Variants in SLC4A5 observed in about 807,000 individuals in gnomAD.
The protein encoded by SLC4A5 is electrogenic sodium bicarbonate cotransporter 4.
A neutral mutation model predicts 120.4 loss-of-function variants in SLC4A5; 96 were observed. That is an observed-to-expected ratio of 0.80 (90% CI 0.68 to 0.94). The LOEUF (loss-of-function observed/expected upper bound fraction) is 0.94, where lower values mean the gene tolerates loss of function less well. Ranked by LOEUF, SLC4A5 falls within the 40% of genes least tolerant of loss-of-function variation. SLC4A5 has a pLI of 0.00. For synonymous variants in SLC4A5, 550 were observed against 571.1 expected (o/e 0.96, Z 0.53); for missense variants, 1,259 against 1,459.5 (o/e 0.86, Z 2.24).
At chr2:74,322,549 T>A (rs946116954) in intron 5 of SLC4A5, among the ~76,000 whole-genome samples, 2 of 152,166 alleles carry the variant, frequency 1.3e-5, no homozygotes, top group African/African-American at 4.8e-5. Flanking sequence ...GTATTTTGGA[T>A]AGATGATAGA....
chr2:74,227,917 G>A (rs2103893929), intron 25 of SLC4A5, 39 bp from the exon 26 acceptor site: 1 of 1,534,080 alleles, frequency 6.5e-7, no homozygotes. Context: ...CCTCTGCCTG[G>A]GGCGGCCCTT....
chr2:74,257,728 C>T (rs750356286), intron 12 of SLC4A5, among the ~76,000 whole-genome samples: 114 of 152,064 alleles, frequency 7.5e-4, no homozygotes, highest in Middle Eastern at 3.2e-3. Flanking sequence ...CAGGCATGTG[C>T]CACCACGCCC....
intron 8 of SLC4A5, among the ~76,000 whole-genome samples, chr2:74,274,495 T>G (rs1016753510): frequency 6.6e-6 from 1 of 152,230 alleles, no homozygotes; most frequent in Non-Finnish European, 1.5e-5. Flanking sequence ...ATTTGAAAGA[T>G]TATAAAGTAT....
rs1670521504 is a variant in SLC4A5, at chr2:74,243,769, CT to C, written c.2060-1718del. ...CTCTGTAGGGTTTATCTGAAAGCCA[CT>C]TGAGATGAATATGAAAGAAATATAA... On this transcript the variant is annotated intron_variant, in intron 19 of 30. Coordinates refer to ENST00000394019, the Ensembl canonical transcript of SLC4A5. Among the ~76,000 whole-genome samples, 4 of 152,150 alleles carry C rather than the reference CT, an allele frequency of 2.6e-5. 1 individual carries two copies.
chr2:74,281,556 A>G (rs1671814934), intron 8 of SLC4A5, among the ~76,000 whole-genome samples: 1 of 152,218 alleles, frequency 6.6e-6, no homozygotes, highest in African/African-American at 2.4e-5. Flanking sequence ...AGAGTTAATA[A>G]AAATCTATCT....
intron 8 of SLC4A5, among the ~76,000 whole-genome samples, chr2:74,268,141 T>G (rs1421957261): frequency 6.6e-6 from 1 of 152,204 alleles, no homozygotes; most frequent in East Asian, 1.9e-4. Flanking sequence ...GTACAGCAAT[T>G]AGAGCAGTGC....
exon 27 of SLC4A5, chr2:74,227,085 G>T (rs767076081): frequency 3.7e-6 from 6 of 1,614,054 alleles, no homozygotes; most frequent in African/African-American, 1.3e-5. Context: ...GCATGGTCCG[G>T]CTGGTGCTTG....
chr2:74,329,619 G>GGTGAGGTGTAGATGGAGGTGGT (rs1271982718), intron 4 of SLC4A5, among the ~76,000 whole-genome samples: 1 of 151,270 alleles, frequency 6.6e-6, no homozygotes, highest in Non-Finnish European at 1.5e-5. Context: ...AAACAAACAT[G>GGTGAGGTGTAGATGGAGGTGGT]GTGAGGTGTA....
intron 12 of SLC4A5, among the ~76,000 whole-genome samples, chr2:74,257,800 A>T (rs2104016242): frequency 6.6e-6 from 1 of 151,902 alleles, no homozygotes; most frequent in Admixed American, 6.6e-5. Flanking sequence ...CTGGTCTCAA[A>T]CTCCTGGCCT....
chr2:74,337,768 T>G (rs1013073812), intron 3 of SLC4A5, among the ~76,000 whole-genome samples: 1 of 152,240 alleles, frequency 6.6e-6, no homozygotes, highest in African/African-American at 2.4e-5. Context: ...CCGATCTGCC[T>G]TGGACAGTAA....
chr2:74,227,188 T>TG, intron 26 of SLC4A5, 58 bp from the exon 27 acceptor site: 2 of 1,523,988 alleles, frequency 1.3e-6, no homozygotes, highest in Non-Finnish European at 1.8e-6. Context: ...CGCTGGGTCC[T>TG]GGGACTAGGG....
At chr2:74,254,521 G>A (rs182358212) in intron 14 of SLC4A5, 98 bp downstream of exon 14, 10 of 899,232 alleles carry the variant, frequency 1.1e-5, no homozygotes, top group East Asian at 9.6e-5. Flanking sequence ...CACAGTAGGT[G>A]CTCAAATGTG....
chr2:74,312,242 T>C (rs1390693021), intron 6 of SLC4A5, among the ~76,000 whole-genome samples: 1 of 137,106 alleles, frequency 7.3e-6, no homozygotes, highest in Non-Finnish European at 1.6e-5. Context: ...TGTGTGTGTA[T>C]ATGTGTGTGT....
At chr2:74,314,480 T>C (rs192909418) in intron 6 of SLC4A5, among the ~76,000 whole-genome samples, 123 of 152,318 alleles carry the variant, frequency 8.1e-4, no homozygotes, top group African/African-American at 1.8e-3. Context: ...GCCCATCTGA[T>C]TGCCTTTTCA....
chr2:74,241,257 A>ATTATTATTATTAT (rs1344118405), intron 20 of SLC4A5, among the ~76,000 whole-genome samples: 93 of 146,674 alleles, frequency 6.3e-4, no homozygotes, highest in African/African-American at 2.2e-3. Context: ...TCATATTATT[A>ATTATTATTATTAT]TTATTATTAT....
chr2:74,326,228 T>C (rs1005975477), intron 5 of SLC4A5, among the ~76,000 whole-genome samples: 1 of 152,202 alleles, frequency 6.6e-6, no homozygotes, highest in Admixed American at 6.5e-5. Context: ...TACTAACCAG[T>C]ACAATCATCC....
chr2:74,248,584 A>T (rs1670693370), intron 17 of SLC4A5, 98 bp from the exon 18 acceptor site: 1 of 1,425,336 alleles, frequency 7.0e-7, no homozygotes, highest in Non-Finnish European at 9.5e-7. Context: ...CCCAGGCCAC[A>T]GTGTTTATCC....
At chr2:74,262,325 G>A in intron 10 of SLC4A5, 93 bp from the exon 11 acceptor site, 5 of 876,970 alleles carry the variant, frequency 5.7e-6, no homozygotes, top group Middle Eastern at 2.3e-4. Context: ...ATAAAACTGG[G>A]TGGCAAGACA....
chr2:74,217,158 A>C lies in SLC4A5; in HGVS notation c.*1668T>G, dbSNP rs569743618. 3 of 152,340 alleles carry C rather than the reference A, an allele frequency of 2.0e-5. No individual in the cohort carries two copies. In the South Asian group the frequency reaches 6.2e-4, roughly 32 times the overall value. 9.4% of individuals were successfully genotyped at this position (152,340 alleles called of 1,614,324 possible). On this transcript the variant is annotated 3_prime_UTR_variant, in exon 31 of 31. Coordinates refer to ENST00000394019, the Ensembl canonical transcript of SLC4A5. ...GATCTAGTGTCATTTTTCTTTAAAA[A>C]AGAAAGCACCTGCATTTGTCATCTT...
Sources: gnomAD v4.1 joint callset for allele counts (sites outside exome capture counted in the v4.1 genomes callset) on GRCh38, gnomAD v4.1.1 for gene constraint, MANE v1.5 for transcripts, NCBI Gene and HGNC (gene_info 2026-07-23, HGNC 2026-07-21) for gene names.